KCNJ6: variants seen among roughly 807,000 people sequenced by gnomAD.
KCNJ6 encodes G protein-activated inward rectifier potassium channel 2.
KCNJ6 carries 9 observed loss-of-function variants against 34.2 expected under a neutral mutation model. The observed-to-expected ratio is 0.26, with a 90% CI of 0.16 to 0.46. The LOEUF (loss-of-function observed/expected upper bound fraction) is 0.46, where lower values mean the gene tolerates loss of function less well. Ranked by LOEUF, KCNJ6 falls within the 20% of genes least tolerant of loss-of-function variation. KCNJ6 has a pLI of 1.00. For missense variants in KCNJ6, 236 were observed against 531.3 expected (o/e 0.44, Z 5.46); for synonymous variants, 196 against 207.1 (o/e 0.95, Z 0.46).
chr21:37,805,535 C>A (rs1400599663), intron 2 of KCNJ6, among the ~76,000 whole-genome samples: 1 of 151,958 alleles, frequency 6.6e-6, no homozygotes, highest in Non-Finnish European at 1.5e-5. Flanking sequence ...GCTCTCTGAG[C>A]CTGCCTTTCT....
At chr21:37,869,619 A>G (rs1404605199) in intron 1 of KCNJ6, among the ~76,000 whole-genome samples, 1 of 152,186 alleles carries the variant, frequency 6.6e-6, no homozygotes, top group Non-Finnish European at 1.5e-5. Context: ...GATGACATGG[A>G]CTGATTTGAA....
intron 2 of KCNJ6, among the ~76,000 whole-genome samples, chr21:37,726,789 C>T (rs777797524): frequency 1.1e-4 from 16 of 152,156 alleles, no homozygotes; most frequent in Non-Finnish European, 2.2e-4. Flanking sequence ...TTTTGAATAA[C>T]CAAAACAAAT....
intron 2 of KCNJ6, among the ~76,000 whole-genome samples, chr21:37,826,853 C>T (rs2055401471): frequency 6.6e-6 from 1 of 152,088 alleles, no homozygotes; most frequent in South Asian, 2.1e-4. Flanking sequence ...CACACACAAG[C>T]AGAGAGTAGC....
At chr21:37,725,129 G>A (rs2054847649) in intron 2 of KCNJ6, among the ~76,000 whole-genome samples, 1 of 152,104 alleles carries the variant, frequency 6.6e-6, no homozygotes, top group Admixed American at 6.5e-5. Context: ...GAAAAAAATG[G>A]TCAAAGGAAA....
intron 2 of KCNJ6, among the ~76,000 whole-genome samples, chr21:37,766,272 C>T (rs781143122): frequency 1.3e-5 from 2 of 151,942 alleles, no homozygotes; most frequent in Non-Finnish European, 2.9e-5. Context: ...TTGGGCATGC[C>T]GAAAGGCTGC....
At chr21:37,820,583 A>G (rs186701903) in intron 2 of KCNJ6, among the ~76,000 whole-genome samples, 9 of 152,284 alleles carry the variant, frequency 5.9e-5, no homozygotes, top group African/African-American at 1.7e-4. Flanking sequence ...GTTCTGATCA[A>G]ACTTCCTGCT....
intron 3 of KCNJ6, among the ~76,000 whole-genome samples, chr21:37,708,147 T>G (rs1299502785): frequency 6.6e-6 from 1 of 152,232 alleles, no homozygotes; most frequent in Non-Finnish European, 1.5e-5. Flanking sequence ...TGAACAATTT[T>G]TGCCTTTTTC....
chr21:37,683,525 C>T (rs796984495), intron 3 of KCNJ6, among the ~76,000 whole-genome samples: 7 of 152,270 alleles, frequency 4.6e-5, no homozygotes, highest in African/African-American at 1.2e-4. Flanking sequence ...TTTTTATTTG[C>T]GCATTGCAGA....
At chr21:37,848,692 C>A (rs551099369) in intron 1 of KCNJ6, among the ~76,000 whole-genome samples, 1 of 152,294 alleles carries the variant, frequency 6.6e-6, no homozygotes, top group Non-Finnish European at 1.5e-5. Context: ...TGGGCTTCAG[C>A]GTGAGTTCGT....
chr21:37,794,734 G>T (rs1601474715), intron 2 of KCNJ6, among the ~76,000 whole-genome samples: 1 of 152,154 alleles, frequency 6.6e-6, no homozygotes, highest in Middle Eastern at 3.4e-3. Flanking sequence ...TCGGGAGTTG[G>T]GGGGCAAGGG....
chr21:37,864,789 T>C (rs1335372598), intron 1 of KCNJ6, among the ~76,000 whole-genome samples: 1 of 152,048 alleles, frequency 6.6e-6, no homozygotes, highest in Non-Finnish European at 1.5e-5. Context: ...TTTACTGAAG[T>C]GAAAACACCA....
At chr21:37,696,043 A>G (rs961805534) in intron 3 of KCNJ6, among the ~76,000 whole-genome samples, 1 of 152,262 alleles carries the variant, frequency 6.6e-6, no homozygotes, top group African/African-American at 2.4e-5. Context: ...ATCCATACTG[A>G]TATAGATAGA....
In KCNJ6 at chr21:37,608,955, T is replaced by C. The variant is rs2054233501; in HGVS notation, c.*16204A>G. The stretch of plus-strand genomic sequence containing the variant: ...GTGGAGTTTTGTCCTTGTCTAGTTT[T>C]AGTTGCCTGTTGGGATCCCTGAGTA... On this transcript the variant is annotated 3_prime_UTR_variant, in exon 4 of 4. Transcript: ENST00000609713. The C allele has an allele frequency of 6.6e-6, 1 of 152,234 alleles. No individual in the cohort carries two copies. The highest frequency in any genetic ancestry group is 2.1e-4 in the South Asian group (1 of 4,830). The allele number at this position is 152,234 out of a possible 1,614,324, so 9.4% of individuals were successfully genotyped here.
At chr21:37,691,226 G>A (rs1297435513) in intron 3 of KCNJ6, among the ~76,000 whole-genome samples, 1 of 152,214 alleles carries the variant, frequency 6.6e-6, no homozygotes, top group Non-Finnish European at 1.5e-5. Flanking sequence ...GGCCAGGTAT[G>A]GCTAGGACAA....
Position 37,776,154 on chromosome 21 carries a change from T to C in KCNJ6, c.26-61023A>G, listed in dbSNP as rs557912349. Among the ~76,000 whole-genome samples, 7 of 152,294 alleles carry C rather than the reference T, an allele frequency of 4.6e-5. No individual in the cohort carries two copies. In the South Asian group the frequency reaches 1.5e-3, roughly 32 times the overall value. ...CACTCATTATTTGGCTCTCTGTCTG[T>C]TATTGGTGTATAAGAATGCTTGTGA... On this transcript the variant is annotated intron_variant, in intron 2 of 3. Coordinates refer to ENST00000609713, the MANE Select transcript of KCNJ6 (RefSeq NM_002240.5).
chr21:37,885,084 C>T (rs1051983185), intron 1 of KCNJ6, among the ~76,000 whole-genome samples: 2 of 152,212 alleles, frequency 1.3e-5, no homozygotes, highest in African/African-American at 4.8e-5. Context: ...ATCTGTCTAG[C>T]CAGTCCTATC....
At chr21:37,768,789 C>A (rs1213192224) in intron 2 of KCNJ6, among the ~76,000 whole-genome samples, 1 of 152,230 alleles carries the variant, frequency 6.6e-6, no homozygotes, top group Admixed American at 6.5e-5. Flanking sequence ...TTTCTCTATG[C>A]TTTTCTGTTC....
At chr21:37,853,781 G>T (rs770231558) in intron 1 of KCNJ6, among the ~76,000 whole-genome samples, 1 of 146,504 alleles carries the variant, frequency 6.8e-6, no homozygotes, top group Non-Finnish European at 1.5e-5. Context: ...AGGGAGCTAA[G>T]ATTTCTATGT....
At chr21:37,753,806 C>T (rs771036017) in intron 2 of KCNJ6, among the ~76,000 whole-genome samples, 1 of 152,268 alleles carries the variant, frequency 6.6e-6, no homozygotes, top group East Asian at 1.9e-4. Flanking sequence ...AGGACCCTCC[C>T]GATTTTCAAG....
Sources: allele counts gnomAD v4.1 joint callset (sites outside exome capture counted in the v4.1 genomes callset), GRCh38; gene constraint gnomAD v4.1.1; transcripts MANE v1.5; gene names NCBI Gene and HGNC (gene_info 2026-07-23, HGNC 2026-07-21).